The following GDAP1L1 variants were observed in gnomAD, a reference collection of about 807,000 sequenced individuals.
GDAP1L1 encodes the protein ganglioside induced differentiation associated protein 1 like 1.
In GDAP1L1, 21 loss-of-function variants were observed where a neutral mutation model predicts 37.1. That is an observed-to-expected ratio of 0.57 (90% CI 0.40 to 0.81). The LOEUF (loss-of-function observed/expected upper bound fraction) is 0.81, where lower values mean the gene tolerates loss of function less well. Ranked by LOEUF, GDAP1L1 falls within the 40% of genes least tolerant of loss-of-function variation. The pLI is 0.00. For synonymous variants in GDAP1L1, 193 were observed against 209.1 expected (o/e 0.92, Z 0.67); for missense variants, 362 against 491.6 (o/e 0.74, Z 2.49).
In GDAP1L1 at chr20:44,279,071, A is replaced by G. The variant is rs1304903967; in HGVS notation, c.875A>G (p.Asp292Gly). Residue 292 changes from aspartate (D) to glycine (G), a missense_variant, in exon 6 of 6, where the codon GAT becomes GGT. Physicochemically the swap from Asp to Gly is moderately conservative, Grantham distance 94. Around this residue, in one of 2 missense-constraint regions of GDAP1L1, gnomAD observed 85 missense variants for 154.4 expected, o/e 0.55. Transcript: ENST00000342560. The part of the protein sequence containing the change: ...FLGLSKKYWE[D>G]GSRPNLQSFF... ...GGACTGTCCAAGAAATACTGGGAAG[A>G]TGGCAGCCGGCCCAACCTGCAGTCC... is the stretch of plus-strand genomic sequence containing the variant. 2 of 1,614,172 alleles carry G rather than the reference A, an allele frequency of 1.2e-6. No individual in the cohort carries two copies. The highest frequency in any genetic ancestry group is 1.7e-6 in the Non-Finnish European group (2 of 1,180,000).
intron 1 of GDAP1L1, among the ~76,000 whole-genome samples, chr20:44,256,491 A>G (rs1000565778): frequency 5.3e-5 from 8 of 152,066 alleles, no homozygotes; most frequent in Non-Finnish European, 1.2e-4. Flanking sequence ...CCAACATGGC[A>G]AAACCCTGTC....
chr20:44,263,203 A>T, intron 3 of GDAP1L1, 27 bp from the exon 4 acceptor site: 1 of 1,585,538 alleles, frequency 6.3e-7, no homozygotes, highest in Non-Finnish European at 8.7e-7. Context: ...TATCAGAGGG[A>T]TGGGACCTTT....
Position 44,263,300 on chromosome 20 carries a change from C to G in GDAP1L1, c.618C>G (p.Pro206=). Residue 206 remains proline (P), a synonymous_variant, in exon 4 of 6, where the codon CCC becomes CCG. Coordinates refer to ENST00000342560, the MANE Select transcript of GDAP1L1 (RefSeq NM_024034.6). ...AAGAGGAGCCCCAGCTCTCCGAGCCCTACCTTTCTAAACAAAAGAAGCTCA... is the reference window on the plus strand; with the variant it reads ...AAGAGGAGCCCCAGCTCTCCGAGCCGTACCTTTCTAAACAAAAGAAGCTCA... ...DHEEEPQLSE[P]YLSKQKKLMA... is the part of the protein sequence containing the mutation. 6.2e-7 allele frequency: 1 copy of G among 1,614,060 alleles called. No individual in the cohort carries two copies. The highest frequency in any genetic ancestry group is 8.5e-7 in the Non-Finnish European group (1 of 1,179,930).
chr20:44,265,913 G>A (rs554591613), intron 5 of GDAP1L1, among the ~76,000 whole-genome samples: 244 of 152,194 alleles, frequency 1.6e-3, no homozygotes, highest in Non-Finnish European at 1.5e-3. Flanking sequence ...CTTATGTCCC[G>A]AACAGAGACA....
chr20:44,263,453 C>A, intron 4 of GDAP1L1, 126 bp downstream of exon 4: 1 of 724,902 alleles, frequency 1.4e-6, no homozygotes, highest in Non-Finnish European at 2.4e-6. Context: ...CTTGCTTTTC[C>A]AATCCTGTCC....
At chr20:44,254,491 CT>C (rs2145994889) in intron 1 of GDAP1L1, among the ~76,000 whole-genome samples, 1 of 152,380 alleles carries the variant, frequency 6.6e-6, no homozygotes, top group South Asian at 2.1e-4. Flanking sequence ...CCAGCCCTGT[CT>C]CCTGCCTCCT....
chr20:44,270,163 A>AT (rs1568656416), intron 5 of GDAP1L1, among the ~76,000 whole-genome samples: 1 of 144,068 alleles, frequency 6.9e-6, no homozygotes, highest in African/African-American at 2.6e-5. Flanking sequence ...CAGTGTCTTA[A>AT]ATTTTTTTTT....
At chr20:44,258,753 C>T (rs1303092225) in intron 3 of GDAP1L1, 146 bp downstream of exon 3, 5 of 646,070 alleles carry the variant, frequency 7.7e-6, no homozygotes, top group Admixed American at 2.8e-5. Flanking sequence ...CATTTGTCCC[C>T]GCCTCTCTCT....
At chr20:44,263,088 A>G in intron 3 of GDAP1L1, 142 bp from the exon 4 acceptor site, 1 of 698,156 alleles carries the variant, frequency 1.4e-6, no homozygotes, top group Non-Finnish European at 2.6e-6. Flanking sequence ...CACAGCCTGC[A>G]GTGCTCCCTA....
At chr20:44,264,697 C>A in intron 5 of GDAP1L1, 138 bp downstream of exon 5, 1 of 1,482,588 alleles carries the variant, frequency 6.7e-7, no homozygotes, top group Non-Finnish European at 9.1e-7. Flanking sequence ...TGGAGTCAGA[C>A]TAAGGTTCAA....
intron 5 of GDAP1L1, among the ~76,000 whole-genome samples, chr20:44,276,463 A>AGAAAGAAAGAAAGAAG (rs977887973): frequency 6.6e-6 from 1 of 151,730 alleles, no homozygotes; most frequent in Non-Finnish European, 1.5e-5. Flanking sequence ...AAAGAAAGAA[A>AGAAAGAAAGAAAGAAG]GAAAAAGAAA....
intron 5 of GDAP1L1, among the ~76,000 whole-genome samples, chr20:44,267,159 G>C (rs149390531): frequency 3.3e-5 from 5 of 152,164 alleles, no homozygotes; most frequent in Admixed American, 2.6e-4. Flanking sequence ...AGAGCTTACT[G>C]TGTGTCAGGC....
At chr20:44,253,269 A>G (rs1011186038) in intron 1 of GDAP1L1, among the ~76,000 whole-genome samples, 1 of 152,178 alleles carries the variant, frequency 6.6e-6, no homozygotes. Context: ...TAAGTTTCCA[A>G]CAAGACCTGG....
chr20:44,247,296 C>T (rs780159199), upstream of GDAP1L1: 3 of 1,607,506 alleles, frequency 1.9e-6, no homozygotes, highest in South Asian at 1.1e-5. Context: ...GCCGCCGCGC[C>T]GGAGCCTCCT....
chr20:44,264,791 G>C, intron 5 of GDAP1L1: 1 of 1,165,194 alleles, frequency 8.6e-7, no homozygotes, highest in African/African-American at 1.6e-5. Flanking sequence ...TATAAAATGG[G>C]GATAATAGTA....
intron 5 of GDAP1L1, among the ~76,000 whole-genome samples, chr20:44,266,887 T>C (rs1308512362): frequency 1.3e-5 from 2 of 152,174 alleles, no homozygotes; most frequent in Non-Finnish European, 2.9e-5. Flanking sequence ...TTGGGCCACA[T>C]TGGAAGAAGA....
intron 5 of GDAP1L1, among the ~76,000 whole-genome samples, chr20:44,269,320 C>G (rs4812807): frequency 0.31 from 46,454 of 151,852 alleles, 7,973 homozygotes; most frequent in East Asian, 0.45. Context: ...ATGGCAGGAG[C>G]AGCAAAGCCA....
intron 1 of GDAP1L1, among the ~76,000 whole-genome samples, chr20:44,250,383 G>A (rs542532847): frequency 2.6e-5 from 4 of 152,202 alleles, no homozygotes; most frequent in South Asian, 2.1e-4. Flanking sequence ...CAACAGGGTC[G>A]TTGTAAGGAT....
chr20:44,278,506 C>G (rs12480654), intron 5 of GDAP1L1, among the ~76,000 whole-genome samples: 48,080 of 151,884 alleles, frequency 0.32, 8,398 homozygotes, highest in East Asian at 0.49. Flanking sequence ...TTAGCCTCCT[C>G]AGTAGCTGGG....
Sources: gnomAD v4.1 joint callset for allele counts (sites outside exome capture counted in the v4.1 genomes callset) on GRCh38, gnomAD v4.1.1 for gene constraint, gnomAD v4.1.1 regional missense constraint, MANE v1.5 for transcripts, NCBI Gene and HGNC (gene_info 2026-07-23, HGNC 2026-07-21) for gene names.